The following PDE4B variants were observed in gnomAD, a reference collection of about 807,000 sequenced individuals.
The protein encoded by PDE4B is 3',5'-cyclic-AMP phosphodiesterase 4B.
In PDE4B, 20 loss-of-function variants were observed where a neutral mutation model predicts 82.2. The ratio of observed to expected loss-of-function variants is 0.24; its 90% CI spans 0.17 to 0.35. The LOEUF (loss-of-function observed/expected upper bound fraction) is 0.35, where lower values mean the gene tolerates loss of function less well. Ranked by LOEUF, PDE4B falls within the 10% of genes least tolerant of loss-of-function variation. The pLI, the probability that PDE4B is intolerant of heterozygous loss-of-function variation, is 1.00. For missense variants in PDE4B, 655 were observed against 907.2 expected (o/e 0.72, Z 3.57); for synonymous variants, 320 against 318.9 (o/e 1.00, Z -0.04).
At chr1:65,924,560 G>A (rs949593464) in intron 3 of PDE4B, among the ~76,000 whole-genome samples, 2 of 152,004 alleles carry the variant, frequency 1.3e-5, no homozygotes, top group African/African-American at 4.8e-5. Flanking sequence ...ACATTTACTG[G>A]CTTAAAATAA....
chr1:66,130,542 T>C (rs1645919887), intron 3 of PDE4B, among the ~76,000 whole-genome samples: 1 of 152,120 alleles, frequency 6.6e-6, no homozygotes, highest in Admixed American at 6.5e-5. Flanking sequence ...CTCCCAGCTG[T>C]CCCCAAATGT....
chr1:66,144,692 A>T (rs1363558609), intron 3 of PDE4B, among the ~76,000 whole-genome samples: 2 of 152,206 alleles, frequency 1.3e-5, no homozygotes, highest in Admixed American at 1.3e-4. Flanking sequence ...GCTCCAAAAG[A>T]CTTCTGGTCC....
chr1:66,332,454 T>G (rs1053290753), intron 7 of PDE4B, 54 bp from the exon 8 acceptor site: 2 of 1,614,010 alleles, frequency 1.2e-6, no homozygotes, highest in African/African-American at 1.3e-5. Flanking sequence ...GACTCTGCTA[T>G]GGACAGCCTG....
At chr1:66,192,865 C>T (rs578080108) in intron 3 of PDE4B, among the ~76,000 whole-genome samples, 1 of 152,130 alleles carries the variant, frequency 6.6e-6, no homozygotes, top group South Asian at 2.1e-4. Flanking sequence ...GTGTTAAGCA[C>T]CAAACATATA....
chr1:65,897,515 T>C (rs995302244), intron 1 of PDE4B, among the ~76,000 whole-genome samples: 1 of 152,046 alleles, frequency 6.6e-6, no homozygotes, highest in Non-Finnish European at 1.5e-5. Flanking sequence ...TCTTCTTTTC[T>C]CTCTCTAGTA....
rs766852923 is a variant in PDE4B at position 66,332,585 on chromosome 1, A to G, written c.712A>G (p.Thr238Ala). The G allele has an allele frequency of 6.2e-7, 1 of 1,614,058 alleles. No homozygotes were observed. Residue 238 changes from threonine (T) to alanine (A), a missense_variant, in exon 8 of 17, where the codon ACC (threonine) becomes GCC (alanine). Coordinates refer to ENST00000341517, the MANE Select transcript of PDE4B (RefSeq NM_002600.4). ...TTTAGACCAGCTAGAGACCATACAG[A>G]CCTACCGGTCTGTCAGTGAGATGGC... Reference protein sequence around the residue: ...WCLDQLETIQTYRSVSEMASN... With the variant: ...WCLDQLETIQAYRSVSEMASN...
intron 3 of PDE4B, among the ~76,000 whole-genome samples, chr1:66,205,326 T>C (rs534763642): frequency 6.6e-6 from 1 of 152,272 alleles, no homozygotes; most frequent in African/African-American, 2.4e-5. Flanking sequence ...TTGTAATAAA[T>C]CTCCCTTTTA....
At chr1:66,009,415 C>T (rs1652342734) in intron 3 of PDE4B, among the ~76,000 whole-genome samples, 1 of 152,162 alleles carries the variant, frequency 6.6e-6, no homozygotes, top group Non-Finnish European at 1.5e-5. Flanking sequence ...CCTCTTGTAG[C>T]TGCCACAGTG....
chr1:66,342,575 A>G (rs12098042), intron 8 of PDE4B, among the ~76,000 whole-genome samples: 3 of 150,546 alleles, frequency 2.0e-5, no homozygotes, highest in Admixed American at 1.3e-4. Flanking sequence ...GAAAAAAAAG[A>G]AAAAAAATTA....
At position 65,919,197 on chromosome 1, in the gene PDE4B, A is replaced by G. The variant is rs529291395; in HGVS notation, c.281+362A>G. Among the ~76,000 whole-genome samples the G allele has an allele frequency of 7.9e-5, 12 of 152,346 alleles. No individual in the cohort carries two copies. In the South Asian group the frequency reaches 1.4e-3, roughly 18 times the overall value. ...AAACAAATTACATGTTACTATATGT[A>G]TATGATGTTCTTATTGCTGAACTCT... On this transcript the variant is annotated intron_variant, in intron 3 of 16. Transcript: ENST00000341517.
chr1:66,081,277 C>T (rs77144396), intron 3 of PDE4B, among the ~76,000 whole-genome samples: 1 of 152,196 alleles, frequency 6.6e-6, no homozygotes, highest in Non-Finnish European at 1.5e-5. Flanking sequence ...CTTCTGTTAT[C>T]AACGTTCTCC....
In PDE4B at chr1:66,190,642, G is replaced by A. The variant is rs139534514; in HGVS notation, c.282-56818G>A. On this transcript the variant is annotated intron_variant, in intron 3 of 16. Coordinates refer to ENST00000341517, the MANE Select transcript of PDE4B (RefSeq NM_002600.4). The stretch of plus-strand genomic sequence containing the variant: ...GGGCATAGGAACCTCTGAGCCAGGC[G>A]TGGGATATAATCTCCTGGTATGCCA... Among the ~76,000 whole-genome samples, 694 of 152,326 alleles carry A rather than the reference G, an allele frequency of 4.6e-3. 4 individuals carry two copies. Among genetic ancestry groups the A allele is most frequent in the African/African-American group, 0.013 (560 of 41,560 alleles).
At chr1:66,330,311 T>C (rs1660015332) in intron 7 of PDE4B, among the ~76,000 whole-genome samples, 1 of 152,252 alleles carries the variant, frequency 6.6e-6, no homozygotes, top group Non-Finnish European at 1.5e-5. Flanking sequence ...TAGAAGTACC[T>C]GAGTGCTTGT....
intron 3 of PDE4B, among the ~76,000 whole-genome samples, chr1:66,167,513 C>T (rs1646758203): frequency 1.3e-5 from 2 of 151,966 alleles, no homozygotes. Flanking sequence ...AATGGAGTTT[C>T]CTTTTGGGGT....
chr1:66,185,011 C>T (rs1250286620), intron 3 of PDE4B, among the ~76,000 whole-genome samples: 1 of 152,000 alleles, frequency 6.6e-6, no homozygotes, highest in South Asian at 2.1e-4. Flanking sequence ...CACAACAGGC[C>T]CTGGTGTGTG....
intron 3 of PDE4B, among the ~76,000 whole-genome samples, chr1:66,137,078 A>G (rs1223266652): frequency 2.0e-5 from 3 of 152,196 alleles, no homozygotes. Flanking sequence ...GAGAAATATT[A>G]GATATTAGAT....
At chr1:66,004,582 T>C (rs1652043085) in intron 3 of PDE4B, among the ~76,000 whole-genome samples, 1 of 152,160 alleles carries the variant, frequency 6.6e-6, no homozygotes, top group Admixed American at 6.6e-5. Flanking sequence ...TGATACTTTC[T>C]CCATTAGTGA....
intron 1 of PDE4B, among the ~76,000 whole-genome samples, chr1:65,865,965 C>A (rs1034071324): frequency 1.3e-5 from 2 of 152,176 alleles, no homozygotes; most frequent in Non-Finnish European, 2.9e-5. Flanking sequence ...TGAATTGTAG[C>A]TGCTCTGTAG....
rs535229699 is a variant in PDE4B, at chr1:66,032,361, C to A, written c.281+113526C>A. On this transcript the variant is annotated intron_variant, in intron 3 of 16. Coordinates refer to ENST00000341517, the MANE Select transcript of PDE4B (RefSeq NM_002600.4). ...AGACCTGAATATTTCAAATTATAAT[C>A]CTAGGAGGCTATAGTTTATGCTTTT... Among the ~76,000 whole-genome samples the A allele has an allele frequency of 9.9e-5, 15 of 152,190 alleles. No individual in the cohort carries two copies. The East Asian group carries it at 2.9e-3, about 29-fold the overall frequency.
Sources: allele counts gnomAD v4.1 joint callset (sites outside exome capture counted in the v4.1 genomes callset), GRCh38; gene constraint gnomAD v4.1.1; transcripts MANE v1.5; gene names NCBI Gene and HGNC (gene_info 2026-07-23, HGNC 2026-07-21).